Variants in PLEKHB1 observed in about 807,000 individuals in gnomAD.
PLEKHB1 encodes the protein pleckstrin homology domain containing B1.
Under a neutral mutation model 36.2 loss-of-function variants are expected in PLEKHB1, and 29 were observed. That is an observed-to-expected ratio of 0.80 (90% confidence interval 0.60 to 1.09). PLEKHB1 has a LOEUF of 1.09. Ranked by LOEUF, PLEKHB1 falls within the 50% of genes least tolerant of loss-of-function variation. The pLI, the probability that PLEKHB1 is intolerant of heterozygous loss-of-function variation, is 0.00. For missense variants in PLEKHB1, 330 were observed against 348.2 expected (o/e 0.95, Z 0.42); for synonymous variants, 138 against 140.0 (o/e 0.99, Z 0.10).
At chr11:73,649,158 C>A in intron 2 of PLEKHB1, 71 bp downstream of exon 2, 1 of 1,522,642 alleles carries the variant, frequency 6.6e-7, no homozygotes, top group Non-Finnish European at 8.9e-7. Context: ...CCACGGGGAA[C>A]ACTTCTCTCA....
intron 3 of PLEKHB1, chr11:73,651,306 T>C (rs542513546): frequency 4.5e-5 from 18 of 395,664 alleles, no homozygotes; most frequent in Non-Finnish European, 8.5e-5. Flanking sequence ...GCAGTGAGTG[T>C]TCATGGCACT....
intron 5 of PLEKHB1, 28 bp from the exon 6 acceptor site, chr11:73,655,775 C>T (rs751178713): frequency 1.9e-6 from 3 of 1,607,060 alleles, no homozygotes; most frequent in African/African-American, 1.3e-5. Flanking sequence ...CCTCCCTCCT[C>T]CTTCTTGGGT....
intron 1 of PLEKHB1, chr11:73,647,605 T>G: frequency 1.0e-6 from 1 of 985,386 alleles, no homozygotes; most frequent in South Asian, 4.7e-5. Context: ...GCAGCTGGGC[T>G]CTCAGGCGCT....
chr11:73,650,468 G>A, intron 2 of PLEKHB1, 85 bp from the exon 3 acceptor site: 1 of 1,428,814 alleles, frequency 7.0e-7, no homozygotes, highest in Non-Finnish European at 9.3e-7. Context: ...GACTGAGGCT[G>A]AGGGGACTTG....
At chr11:73,649,163 C>A in intron 2 of PLEKHB1, 76 bp downstream of exon 2, 2 of 1,513,548 alleles carry the variant, frequency 1.3e-6, no homozygotes, top group Admixed American at 2.1e-5. Context: ...GGGAACACTT[C>A]TCTCAAGAAA....
At chr11:73,660,902 GC>G (rs1406554296) in intron 7 of PLEKHB1, 50 bp downstream of exon 7, 3 of 1,502,440 alleles carry the variant, frequency 2.0e-6, no homozygotes, top group Non-Finnish European at 2.7e-6. Context: ...CACCGATTCA[GC>G]GCCAGGCCCA....
intron 3 of PLEKHB1, 50 bp from the exon 4 acceptor site, chr11:73,651,738 G>C: frequency 6.9e-7 from 1 of 1,456,578 alleles, no homozygotes; most frequent in East Asian, 2.3e-5. Flanking sequence ...TTACTGGGGG[G>C]ACCTGGGGCT....
At position 73,661,039 on chromosome 11, in the gene PLEKHB1, C is replaced by G. The variant is rs1447856776; in HGVS notation, c.595+187C>G. ...AGAGCTCTGGAACCAGCGTTCGTCT[C>G]GAGCTGACCTCACCCTTCTGGGATG... On this transcript the variant is annotated intron_variant, in intron 7 of 7. Coordinates refer to ENST00000354190, the MANE Select transcript of PLEKHB1 (RefSeq NM_021200.3). The surrounding 1 kb of genome is among the most constrained non-coding windows in gnomAD (Gnocchi z 4.6). 1 of 645,496 alleles carries G rather than the reference C, an allele frequency of 1.5e-6. No homozygotes were observed. Among genetic ancestry groups the G allele is most frequent in the Non-Finnish European group, 2.7e-6 (1 of 371,758 alleles). The allele number at this position is 645,496 out of a possible 1,614,324, so 40.0% of individuals were successfully genotyped here. A position where few individuals can be genotyped will look rare whatever the true frequency, so the allele number is the denominator to read the frequency against.
chr11:73,650,746 G>T (rs936145821), intron 3 of PLEKHB1, 41 bp downstream of exon 3: 7 of 1,547,278 alleles, frequency 4.5e-6, no homozygotes, highest in Admixed American at 4.0e-5. Flanking sequence ...GTGACTGTGG[G>T]CAGAGCCTCC....
Position 73,661,449 on chromosome 11 carries a change from G to A in PLEKHB1, c.596-17G>A. The A allele has an allele frequency of 6.2e-7, 1 of 1,613,522 alleles. No individual in the cohort carries two copies. Among genetic ancestry groups the A allele is most frequent in the Non-Finnish European group, 8.5e-7 (1 of 1,179,550 alleles). On this transcript the variant is annotated splice_polypyrimidine_tract_variant and intron_variant, in intron 7 of 7. Transcript: ENST00000354190. The surrounding 1 kb of genome is among the most constrained non-coding windows in gnomAD (Gnocchi z 4.6). ...CCTCCTAAGTCGCTGATCCTCATGG[G>A]CTGTCTCCCTCTGCAGGCCCTGGCG...
At chr11:73,658,353 T>C (rs1945035457) in intron 6 of PLEKHB1, among the ~76,000 whole-genome samples, 2 of 152,226 alleles carry the variant, frequency 1.3e-5, no homozygotes, top group Admixed American at 1.3e-4. Flanking sequence ...GACATGGGGA[T>C]TGCATCCTTC....
rs1245304734 is a variant in PLEKHB1, at chr11:73,661,705, A to G, written c.*103A>G. The G allele has an allele frequency of 7.2e-7, 1 of 1,396,066 alleles. No homozygotes were observed. The highest frequency in any genetic ancestry group is 1.4e-5 in the South Asian group (1 of 72,374). The allele number at this position is 1,396,066 out of a possible 1,614,324, so 86.5% of individuals were successfully genotyped here. On this transcript the variant is annotated 3_prime_UTR_variant, in exon 8 of 8. Coordinates refer to ENST00000354190, the MANE Select transcript of PLEKHB1 (RefSeq NM_021200.3). The surrounding 1 kb of genome is among the most constrained non-coding windows in gnomAD (Gnocchi z 4.6). ...CCAAGCCCTGTCCCACTTTGGCCCT[A>G]TCCTCTCCATTAGCTCCTTCCGGGT...
chr11:73,658,506 CAGA>C (rs1945038145), intron 6 of PLEKHB1, among the ~76,000 whole-genome samples: 1 of 152,226 alleles, frequency 6.6e-6, no homozygotes, highest in Non-Finnish European at 1.5e-5. Flanking sequence ...AAAGAATGGG[CAGA>C]AGAACACATT....
intron 7 of PLEKHB1, 86 bp downstream of exon 7, chr11:73,660,938 A>C: frequency 8.1e-7 from 1 of 1,234,762 alleles, no homozygotes; most frequent in Non-Finnish European, 1.2e-6. Flanking sequence ...AGTCCGGACC[A>C]GGCTTCATCC....
intron 5 of PLEKHB1, chr11:73,653,478 T>C (rs1267902071): frequency 6.5e-6 from 3 of 461,426 alleles, no homozygotes; most frequent in Admixed American, 4.7e-5. Flanking sequence ...CAAGGAGATA[T>C]GGGCTCTGCC....
intron 5 of PLEKHB1, among the ~76,000 whole-genome samples, chr11:73,653,866 C>T (rs765671121): frequency 6.6e-6 from 1 of 152,074 alleles, no homozygotes; most frequent in Non-Finnish European, 1.5e-5. Flanking sequence ...ATGTTGGTTT[C>T]TGCTAAGAGC....
intron 4 of PLEKHB1, chr11:73,652,091 T>TTCACTC: frequency 3.4e-6 from 2 of 587,268 alleles, no homozygotes. Context: ...CCTCATGTGG[T>TTCACTC]CTACAGTGAA....
intron 6 of PLEKHB1, among the ~76,000 whole-genome samples, chr11:73,657,492 T>G (rs1250251931): frequency 6.6e-6 from 1 of 152,206 alleles, no homozygotes; most frequent in Non-Finnish European, 1.5e-5. Flanking sequence ...ACAAAGTAGC[T>G]GGGCCTCTGG....
chr11:73,647,450 T>C (rs1944788366), intron 1 of PLEKHB1: 1 of 442,514 alleles, frequency 2.3e-6, no homozygotes, highest in East Asian at 1.6e-4. Context: ...ACAAATGTCT[T>C]AATAGAAAAG....
Sources: gnomAD v4.1 joint callset for allele counts (sites outside exome capture counted in the v4.1 genomes callset) on GRCh38, gnomAD v4.1.1 for gene constraint, Gnocchi (gnomAD v3.1) non-coding constraint, MANE v1.5 for transcripts, NCBI Gene and HGNC (gene_info 2026-07-23, HGNC 2026-07-21) for gene names.